Variants in METTL3 observed in about 807,000 individuals in gnomAD.
METTL3 encodes N(6)-adenosine-methyltransferase catalytic subunit METTL3.
A neutral mutation model predicts 64.3 loss-of-function variants in METTL3; 42 were observed. The ratio of observed to expected loss-of-function variants is 0.65; its 90% CI spans 0.51 to 0.84. The LOEUF is 0.84. Among genes scored for constraint, METTL3 ranks in the 40% least tolerant of loss-of-function variants. The pLI is 0.00. For synonymous variants in METTL3, 256 were observed against 263.6 expected (o/e 0.97, Z 0.28); for missense variants, 435 against 722.3 (o/e 0.60, Z 4.56).
intron 10 of METTL3, 198 bp downstream of exon 10, chr14:21,498,827 G>C (rs1044662722): frequency 3.2e-5 from 18 of 561,374 alleles, no homozygotes; most frequent in Non-Finnish European, 5.4e-5. Context: ...CAGTGCTTTT[G>C]GGTCCTAGAA....
chr14:21,499,777 G>A lies in METTL3; in HGVS notation c.1330C>T (p.Leu444=). Residue 444 remains leucine (L), a synonymous_variant, in exon 7 of 11, where the codon CTA becomes TTA. Coordinates refer to ENST00000298717, the MANE Select transcript of METTL3 (RefSeq NM_019852.5). The part of the protein sequence containing the change: ...GRAMELGREC[L]NLWGYERVDE... ...ACCACTACTTACCCCCAGAGGTTTA[G>A]ACATTCTCTCCCCAACTCCATGGCC... The A allele has an allele frequency of 6.2e-7, 1 of 1,613,108 alleles. No individual in the cohort carries two copies. The highest frequency in any genetic ancestry group is 1.7e-4 in the Middle Eastern group (1 of 6,058).
At chr14:21,510,882 T>C (rs1039877141) in intron 1 of METTL3, 58 of 486,434 alleles carry the variant, frequency 1.2e-4, no homozygotes, top group African/African-American at 1.1e-3. Flanking sequence ...CGGACGAGGG[T>C]GGGGCTCAAG....
At chr14:21,510,760 G>A (rs1891813747) in intron 1 of METTL3, 2 of 238,538 alleles carry the variant, frequency 8.4e-6, no homozygotes, top group African/African-American at 4.6e-5. Context: ...ATAACTGAGG[G>A]AACAAAGCGC....
intron 3 of METTL3, chr14:21,502,890 G>T: frequency 2.9e-6 from 1 of 341,334 alleles, no homozygotes; most frequent in East Asian, 4.6e-5. Flanking sequence ...TTGACACTTT[G>T]GGACAGACAA....
At chr14:21,508,766 T>C (rs763661102) in intron 1 of METTL3, among the ~76,000 whole-genome samples, 2 of 152,112 alleles carry the variant, frequency 1.3e-5, no homozygotes, top group African/African-American at 4.8e-5. Context: ...TGGTGGCACA[T>C]GCCTGTAATC....
chr14:21,500,375 AAAAG>A, intron 6 of METTL3, 116 bp downstream of exon 6: 1 of 1,028,970 alleles, frequency 9.7e-7, no homozygotes, highest in Non-Finnish European at 1.4e-6. Flanking sequence ...AAAAAAGAAA[AAAAG>A]ACTAAATCAG....
chr14:21,498,400 G>C, intron 10 of METTL3, 31 bp from the exon 11 acceptor site: 4 of 1,608,112 alleles, frequency 2.5e-6, no homozygotes, highest in Non-Finnish European at 3.4e-6. Flanking sequence ...GGGCAAACCA[G>C]AAATCCTGGA....
At position 21,498,798 on chromosome 14, in the gene METTL3, G is replaced by C. The variant is rs894000914; in HGVS notation, c.1631+227C>G. ...GAGGAAGATCCTTGGGTTGTGAAGA[G>C]AGTAGAAACCCTAGGGAGCAGTGCT... On this transcript the variant is annotated intron_variant, in intron 10 of 10. Transcript: ENST00000298717. The C allele has an allele frequency of 7.5e-6, 4 of 529,912 alleles. No individual in the cohort carries two copies. In the Admixed American group the frequency reaches 9.9e-5, roughly 13 times the overall value. 32.8% of individuals were successfully genotyped at this position (529,912 alleles called of 1,614,324 possible).
intron 4 of METTL3, chr14:21,501,527 A>C: frequency 1.5e-6 from 1 of 679,826 alleles, no homozygotes; most frequent in Non-Finnish European, 2.4e-6. Flanking sequence ...TTTAAAAAAA[A>C]AATCTCAGTT....
chr14:21,501,519 T>TA (rs1370200812), intron 4 of METTL3: 14,855 of 516,252 alleles, frequency 0.029, 1 homozygote, highest in East Asian at 0.045. Context: ...AGGGAGCTTT[T>TA]AAAAAAAAAA....
At chr14:21,499,935 A>G in intron 6 of METTL3, 133 bp from the exon 7 acceptor site, 1 of 781,286 alleles carries the variant, frequency 1.3e-6, no homozygotes, top group Non-Finnish European at 2.2e-6. Flanking sequence ...ACACCACCAA[A>G]AGCATGGTGG....
intron 10 of METTL3, 103 bp downstream of exon 10, chr14:21,498,922 T>C (rs1594437079): frequency 2.7e-6 from 2 of 745,552 alleles, no homozygotes; most frequent in East Asian, 5.3e-5. Context: ...CCTGTGAAGC[T>C]CATTTATGGA....
chr14:21,498,388 AG>A lies in METTL3; in HGVS notation c.1632-20del. On this transcript the variant is annotated intron_variant, in intron 10 of 10. Transcript: ENST00000298717. ...GGTGATCCTGAAACAGTGTAAAAGG[AG>A]GGGCAAACCAGAAATCCTGGAATTA... The A allele has an allele frequency of 6.2e-7, 1 of 1,612,362 alleles. No homozygotes were observed. The highest frequency in any genetic ancestry group is 8.5e-7 in the Non-Finnish European group (1 of 1,179,314).
chr14:21,509,857 C>T (rs1891790216), intron 1 of METTL3, among the ~76,000 whole-genome samples: 1 of 152,200 alleles, frequency 6.6e-6, no homozygotes, highest in South Asian at 2.1e-4. Context: ...AAAAAATTCT[C>T]CCTCTTAGGT....
intron 3 of METTL3, chr14:21,502,933 CT>C (rs1891604985): frequency 2.0e-6 from 1 of 501,724 alleles, no homozygotes; most frequent in Admixed American, 3.3e-5. Context: ...CCACTATGCA[CT>C]GTAGGATGTT....
At position 21,503,187 on chromosome 14, in the gene METTL3, G is replaced by A; in HGVS notation, c.709C>T (p.Gln237Ter). 6.2e-7 allele frequency: 1 copy of A among 1,611,558 alleles called. No homozygotes were observed. Among genetic ancestry groups the A allele is most frequent in the Non-Finnish European group, 8.5e-7 (1 of 1,178,704 alleles). ...SLLNQQSTKE[Q>*]QSKKVSQEIL... ...ATGACCCCTACCTTCTTGCTCTGTT[G>A]TTCCTTAGTGGACTGTTGGTTCAGA... Residue 237 changes from glutamine (Q) to a stop codon, truncating the protein, a stop_gained, in exon 3 of 11, where the codon CAA (glutamine) becomes TAA (stop). Coordinates refer to ENST00000298717, the MANE Select transcript of METTL3 (RefSeq NM_019852.5). LOFTEE classifies it high-confidence loss of function.
At chr14:21,501,183 G>T in intron 4 of METTL3, 54 bp from the exon 5 acceptor site, 1 of 1,344,938 alleles carries the variant, frequency 7.4e-7, no homozygotes. Context: ...AGATCCAACA[G>T]TTCAAATTCC....
At chr14:21,509,952 T>TA (rs1452029924) in intron 1 of METTL3, among the ~76,000 whole-genome samples, 1 of 152,190 alleles carries the variant, frequency 6.6e-6, no homozygotes, top group Non-Finnish European at 1.5e-5. Context: ...CCTCCCCTCT[T>TA]ACCTCTTTAA....
chr14:21,504,056 C>T lies in METTL3; in HGVS notation c.101-175G>A, dbSNP rs1213645926. The T allele has an allele frequency of 9.9e-6, 6 of 605,046 alleles. No homozygotes were observed. The Admixed American group carries it at 1.5e-4, about 15-fold the overall frequency. 37.5% of individuals were successfully genotyped at this position (605,046 alleles called of 1,614,324 possible). On this transcript the variant is annotated intron_variant, in intron 1 of 10. Coordinates refer to ENST00000298717, the MANE Select transcript of METTL3 (RefSeq NM_019852.5). ...CTCAATCATACTAAAACATTCACTG[C>T]TTTGTCAAGATAATACTGGATTTTC...
Sources: gnomAD v4.1 joint callset for allele counts (sites outside exome capture counted in the v4.1 genomes callset) on GRCh38, gnomAD v4.1.1 for gene constraint, MANE v1.5 for transcripts, NCBI Gene and HGNC (gene_info 2026-07-23, HGNC 2026-07-21) for gene names.